The following R3HCC1 variants were observed in gnomAD, a reference collection of about 807,000 sequenced individuals.
R3HCC1 encodes R3H and coiled-coil domain-containing protein 1.
Under a neutral mutation model 40.0 loss-of-function variants are expected in R3HCC1, and 32 were observed. That is an observed-to-expected ratio of 0.80 (90% CI 0.60 to 1.07). The LOEUF is 1.07. Ranked by LOEUF, R3HCC1 falls within the 50% of genes least tolerant of loss-of-function variation. The pLI is 0.00. For synonymous variants in R3HCC1, 237 were observed against 232.8 expected (o/e 1.02, Z -0.17); for missense variants, 586 against 563.3 (o/e 1.04, Z -0.41).
rs1802836691 is a variant in R3HCC1, at chr8:23,290,263, C to G, written c.646C>G (p.Leu216Val). Reference sequence around the variant, plus strand: ...GCTGGACCCTGTTGGCCCTGAGCCTCTGGGGCCTGAGAGTCAGTCAGGGAA... The same window carrying G: ...GCTGGACCCTGTTGGCCCTGAGCCTGTGGGGCCTGAGAGTCAGTCAGGGAA... The change falls in exon 4 of 8, where the codon CTG becomes GTG. Residue 216 changes from leucine (L) to valine (V), a missense_variant. Leu to Val is a conservative substitution (Grantham distance 32). Coordinates refer to ENST00000265806, the MANE Select transcript of R3HCC1 (RefSeq NM_001136108.3). 1.9e-6 allele frequency: 3 copies of G among 1,551,740 alleles called. No individual in the cohort carries two copies. The highest frequency in any genetic ancestry group is 3.9e-5 in the Admixed American group (2 of 51,006).
chr8:23,293,164 T>G, intron 5 of R3HCC1, 139 bp from the exon 6 acceptor site: 1 of 626,306 alleles, frequency 1.6e-6, no homozygotes, highest in Non-Finnish European at 2.8e-6. Context: ...AATGATTGTC[T>G]CCGTCCCAGA....
intron 6 of R3HCC1, among the ~76,000 whole-genome samples, chr8:23,294,498 T>C (rs1802945346): frequency 1.3e-5 from 2 of 152,204 alleles, no homozygotes; most frequent in Non-Finnish European, 2.9e-5. Flanking sequence ...CCTCTTCTGA[T>C]GTCAGAATCA....
chr8:23,288,701 G>T lies in R3HCC1; in HGVS notation c.110+68G>T. 2.6e-6 allele frequency: 4 copies of T among 1,517,820 alleles called. No individual in the cohort carries two copies. In the South Asian group the frequency reaches 4.8e-5, roughly 18 times the overall value. 94.0% of individuals were successfully genotyped at this position (1,517,820 alleles called of 1,614,324 possible). On this transcript the variant is annotated intron_variant, in intron 2 of 7. Transcript: ENST00000265806. ...GGCAGGGTTCCCGAGCCGCCTGTGT[G>T]CCCTCCCCCAGGTGGTGCCTGGCAG...
intron 7 of R3HCC1, chr8:23,295,654 T>C (rs932776531): frequency 8.3e-6 from 4 of 481,706 alleles, no homozygotes; most frequent in African/African-American, 7.8e-5. Context: ...CATCCTGACT[T>C]GATACCCCTC....
chr8:23,296,173 G>T lies in R3HCC1; in HGVS notation c.*76G>T. 2 of 1,469,486 alleles carry T rather than the reference G, an allele frequency of 1.4e-6. No individual in the cohort carries two copies. The highest frequency in any genetic ancestry group is 1.8e-6 in the Non-Finnish European group (2 of 1,102,636). The allele number at this position is 1,469,486 out of a possible 1,614,324, so 91.0% of individuals were successfully genotyped here. A position where few individuals can be genotyped will look rare whatever the true frequency, so the allele number is the denominator to read the frequency against. Reference sequence around the variant, plus strand: ...CCCAACACCATAAGCCTTCACAGACGCCAGAGCAGCCCCGCACCACCCTCG... The same window carrying T: ...CCCAACACCATAAGCCTTCACAGACTCCAGAGCAGCCCCGCACCACCCTCG... On this transcript the variant is annotated 3_prime_UTR_variant, in exon 8 of 8. Transcript: ENST00000265806.
intron 6 of R3HCC1, among the ~76,000 whole-genome samples, chr8:23,294,118 G>A (rs537626727): frequency 3.9e-5 from 6 of 152,294 alleles, no homozygotes; most frequent in African/African-American, 1.4e-4. Context: ...ATTTAGGGAG[G>A]GAACAGGGCA....
At chr8:23,292,817 C>A (rs112012630) in intron 5 of R3HCC1, among the ~76,000 whole-genome samples, 1 of 152,174 alleles carries the variant, frequency 6.6e-6, no homozygotes, top group East Asian at 1.9e-4. Flanking sequence ...CCGGGTGGGG[C>A]CACACTGCCT....
At chr8:23,292,215 C>A (rs986625459) in intron 5 of R3HCC1, among the ~76,000 whole-genome samples, 2 of 152,124 alleles carry the variant, frequency 1.3e-5, no homozygotes, top group African/African-American at 2.4e-5. Context: ...GCAGCCTCAA[C>A]CTCCTGGGCT....
chr8:23,290,116 C>G lies in R3HCC1; in HGVS notation c.499C>G (p.Pro167Ala). The change falls in exon 4 of 8, where the codon CCA (proline) becomes GCA (alanine). Residue 167 changes from proline to alanine, a missense_variant. Coordinates refer to ENST00000265806, the MANE Select transcript of R3HCC1 (RefSeq NM_001136108.3). ...GAGAGAGGCCCCAGCTGGCAGGGAC[C>G]CAGAAGAGCCTGGAGATGTTGGTGC... 1.3e-6 allele frequency: 2 copies of G among 1,551,150 alleles called. No individual in the cohort carries two copies. The highest frequency in any genetic ancestry group is 1.7e-6 in the Non-Finnish European group (2 of 1,147,006).
In R3HCC1 at chr8:23,291,542, T is replaced by C. The variant is rs566144836; in HGVS notation, c.1025+9T>C. 5.2e-6 allele frequency: 8 copies of C among 1,550,000 alleles called. No individual in the cohort carries two copies. In the African/African-American group the frequency reaches 9.6e-5, roughly 19 times the overall value. The stretch of plus-strand genomic sequence containing the variant: ...ACGTTTTCTGAGTTCCAGTGAGTGG[T>C]GGCTGGGGAGGTGCTGCCTTCAGAG... On this transcript the variant is annotated intron_variant, in intron 5 of 7. Coordinates refer to ENST00000265806, the MANE Select transcript of R3HCC1 (RefSeq NM_001136108.3).
At chr8:23,291,767 C>CT (rs1802871437) in intron 5 of R3HCC1, among the ~76,000 whole-genome samples, 1 of 152,274 alleles carries the variant, frequency 6.6e-6, no homozygotes, top group African/African-American at 2.4e-5. Context: ...TAGACCTGGG[C>CT]TGCCCCCCTG....
chr8:23,292,966 A>G (rs1459530274), intron 5 of R3HCC1, among the ~76,000 whole-genome samples: 1 of 152,128 alleles, frequency 6.6e-6, no homozygotes, highest in Non-Finnish European at 1.5e-5. Context: ...CCAGCCTCAG[A>G]CACCATGGCC....
At chr8:23,288,455 A>T (rs1585331170) in intron 1 of R3HCC1, 51 bp from the exon 2 acceptor site, 1 of 1,523,904 alleles carries the variant, frequency 6.6e-7, no homozygotes, top group East Asian at 2.5e-5. Flanking sequence ...GGGTCGCGGG[A>T]GATCCGGGGG....
rs567513400 is a variant in R3HCC1 at position 23,290,871 on chromosome 8, G to T, written c.852+402G>T. ...TTATAAATCTTGTTTTCTTGGGACCGTGCGACTGCCCCTGAGACTGGCTGT... is the reference window on the plus strand; with the variant it reads ...TTATAAATCTTGTTTTCTTGGGACCTTGCGACTGCCCCTGAGACTGGCTGT... On this transcript the variant is annotated intron_variant, in intron 4 of 7. Transcript: ENST00000265806. 1.3e-5 allele frequency: 3 copies of T among 232,872 alleles called. No homozygotes were observed. In the Admixed American group the frequency reaches 1.5e-4, roughly 12 times the overall value. 14.4% of individuals were successfully genotyped at this position (232,872 alleles called of 1,614,324 possible). A position where few individuals can be genotyped will look rare whatever the true frequency, so the allele number is the denominator to read the frequency against.
At position 23,296,145 on chromosome 8, in the gene R3HCC1, G is replaced by A. The variant is rs144495060; in HGVS notation, c.*48G>A. The A allele has an allele frequency of 3.0e-3, 4,611 of 1,525,122 alleles. 31 individuals are homozygous for A. Among genetic ancestry groups the A allele is most frequent in the Middle Eastern group, 0.018 (86 of 4,680 alleles). The allele number at this position is 1,525,122 out of a possible 1,614,324, so 94.5% of individuals were successfully genotyped here. A position where few individuals can be genotyped will look rare whatever the true frequency, so the allele number is the denominator to read the frequency against. ...GGATCTGCGTCCCGACGTAGCTGGC[G>A]CCCCCAACACCATAAGCCTTCACAG... On this transcript the variant is annotated 3_prime_UTR_variant, in exon 8 of 8. Transcript: ENST00000265806.
chr8:23,288,625 G>A lies in R3HCC1; in HGVS notation c.102G>A (p.Gln34=), dbSNP rs192663180. The change falls in exon 2 of 8, where the codon CAG becomes CAA. Residue 34 remains glutamine, a synonymous_variant. Coordinates refer to ENST00000265806, the MANE Select transcript of R3HCC1 (RefSeq NM_001136108.3). ...TGGACCGCTTTCTGCTGCAGAAGCA[G>A]CTGTCAAAGTAGGCTCATGTGAGGG... The A allele has an allele frequency of 8.9e-5, 137 of 1,535,998 alleles. 1 individual carries two copies. The African/African-American group carries it at 1.4e-3, about 16-fold the overall frequency.
At chr8:23,294,641 G>A (rs776126242) in intron 6 of R3HCC1, 128 bp from the exon 7 acceptor site, 6 of 702,180 alleles carry the variant, frequency 8.5e-6, no homozygotes, top group Middle Eastern at 3.8e-4. Flanking sequence ...CATCCAGGGC[G>A]GTGTCGGAGC....
At position 23,288,175 on chromosome 8, in the gene R3HCC1, G is replaced by C. The variant is rs371865314; in HGVS notation, c.-19+18G>C. Reference sequence around the variant, plus strand: ...AGGCCGCGGTGAGTGCAGCAGCACTGGGGGGGTGGTCGTCCCGACCCCCGG... The same window carrying C: ...AGGCCGCGGTGAGTGCAGCAGCACTCGGGGGGTGGTCGTCCCGACCCCCGG... On this transcript the variant is annotated intron_variant, in intron 1 of 7. Transcript: ENST00000265806. The C allele has an allele frequency of 9.4e-5, 113 of 1,205,776 alleles. No individual in the cohort carries two copies. Among genetic ancestry groups the C allele is most frequent in the Non-Finnish European group, 1.2e-4 (110 of 953,132 alleles). The allele number at this position is 1,205,776 out of a possible 1,614,324, so 74.7% of individuals were successfully genotyped here.
At chr8:23,291,289 C>A in intron 4 of R3HCC1, 72 bp from the exon 5 acceptor site, 1 of 1,494,236 alleles carries the variant, frequency 6.7e-7, no homozygotes, top group Non-Finnish European at 9.0e-7. Context: ...GCAGAGCTCT[C>A]AGCGCGTGGG....
Sources: allele counts gnomAD v4.1 joint callset (sites outside exome capture counted in the v4.1 genomes callset), GRCh38; gene constraint gnomAD v4.1.1; transcripts MANE v1.5; gene names NCBI Gene and HGNC (gene_info 2026-07-23, HGNC 2026-07-21).